Variants in PTPRG observed in about 807,000 individuals in gnomAD.
PTPRG encodes protein tyrosine phosphatase receptor type G.
A neutral mutation model predicts 165.3 loss-of-function variants in PTPRG; 102 were observed. That is an observed-to-expected ratio of 0.62 (90% CI 0.53 to 0.73). The LOEUF is 0.73. PTPRG is among the 30% of genes least tolerant of loss of function. The probability of loss-of-function intolerance (pLI) is 0.00; values close to 1 mark genes in which losing one functional copy is unlikely to be tolerated. For synonymous variants in PTPRG, 675 were observed against 669.5 expected (o/e 1.01, Z -0.13); for missense variants, 1,866 against 1,861.4 (o/e 1.00, Z -0.05).
chr3:61,914,802 C>G (rs1383728176), intron 2 of PTPRG, among the ~76,000 whole-genome samples: 1 of 152,204 alleles, frequency 6.6e-6, no homozygotes, highest in African/African-American at 2.4e-5. Context: ...AATAAATTGT[C>G]ATGAACTCTC....
rs1701146716 is a variant in PTPRG, at chr3:62,240,977, T to C, written c.2376-2830T>C. Among the ~76,000 whole-genome samples the C allele has an allele frequency of 6.6e-6, 1 of 152,184 alleles. No individual in the cohort carries two copies. Among genetic ancestry groups the C allele is most frequent in the Admixed American group, 6.5e-5 (1 of 15,274 alleles). Reference sequence around the variant, plus strand: ...GTGCCTTGTGTGTCTTGTTTATCATTGTGCTCCCAGCTCCTCACTGCAGAT... The same window carrying C: ...GTGCCTTGTGTGTCTTGTTTATCATCGTGCTCCCAGCTCCTCACTGCAGAT... On this transcript the variant is annotated intron_variant, in intron 14 of 29. Coordinates refer to ENST00000474889, the MANE Select transcript of PTPRG (RefSeq NM_002841.4). The surrounding 1 kb of genome is among the most constrained non-coding windows in gnomAD (Gnocchi z 5.1).
intron 2 of PTPRG, among the ~76,000 whole-genome samples, chr3:61,967,627 A>G (rs1399792861): frequency 6.6e-6 from 1 of 152,216 alleles, no homozygotes; most frequent in Non-Finnish European, 1.5e-5. Context: ...ATTTATAATC[A>G]TGGTGTTCTG....
chr3:62,273,710 T>C lies in PTPRG; in HGVS notation c.3331T>C (p.Phe1111Leu). The C allele has an allele frequency of 1.2e-6, 2 of 1,613,712 alleles. No individual in the cohort carries two copies. Among genetic ancestry groups the C allele is most frequent in the Non-Finnish European group, 1.7e-6 (2 of 1,179,692 alleles). ...TTGTACCTCTTAGGAGCAGTACATT[T>C]TCATCCATGATGCCTTGTTGGAAGC... ...YLVQTEEQYI[F>L]IHDALLEAIL... Residue 1111 changes from phenylalanine (F) to leucine (L), a missense_variant, in exon 23 of 30, where the codon TTC (phenylalanine) becomes CTC (leucine). Transcript: ENST00000474889. This position sits in a 1 kb window ranked among gnomAD's most constrained non-coding sequence, Gnocchi z 4.1.
At chr3:61,608,302 G>A (rs1350300789) in intron 1 of PTPRG, among the ~76,000 whole-genome samples, 2 of 152,220 alleles carry the variant, frequency 1.3e-5, no homozygotes, top group African/African-American at 4.8e-5. Context: ...CCCAGCAGTT[G>A]GGTAGAAGCC....
intron 1 of PTPRG, among the ~76,000 whole-genome samples, chr3:61,743,259 C>G (rs1232365953): frequency 1.3e-5 from 2 of 152,188 alleles, no homozygotes; most frequent in South Asian, 2.1e-4. Context: ...GTCACTCATT[C>G]AGCTCTCTGC....
At chr3:62,000,971 G>A (rs1261892784) in intron 3 of PTPRG, among the ~76,000 whole-genome samples, 1 of 151,826 alleles carries the variant, frequency 6.6e-6, no homozygotes, top group East Asian at 1.9e-4. Flanking sequence ...AGAAACTGAG[G>A]CACAGAGAAG....
chr3:61,688,617 CAG>C (rs2106643464), intron 1 of PTPRG, among the ~76,000 whole-genome samples: 1 of 152,288 alleles, frequency 6.6e-6, no homozygotes, highest in South Asian at 2.1e-4. Context: ...GCAGGCAAGT[CAG>C]AGTGAAAGAA....
intron 2 of PTPRG, among the ~76,000 whole-genome samples, chr3:61,805,722 T>C (rs2035394640): frequency 6.6e-6 from 1 of 152,116 alleles, no homozygotes; most frequent in Admixed American, 6.5e-5. Flanking sequence ...TGGTATAAAC[T>C]GCAATTAAAT....
At chr3:62,066,588 C>T (rs972824325) in intron 4 of PTPRG, among the ~76,000 whole-genome samples, 1 of 152,176 alleles carries the variant, frequency 6.6e-6, no homozygotes, top group Non-Finnish European at 1.5e-5. Context: ...GGCCCCTCCC[C>T]CTCCACTGTG....
intron 1 of PTPRG, among the ~76,000 whole-genome samples, chr3:61,603,356 TG>T (rs1480580138): frequency 1.3e-5 from 2 of 152,174 alleles, no homozygotes; most frequent in Non-Finnish European, 2.9e-5. Flanking sequence ...CTATGAGATC[TG>T]GTCATTTAAA....
chr3:61,794,196 T>TA (rs760144673), intron 2 of PTPRG, among the ~76,000 whole-genome samples: 64 of 151,772 alleles, frequency 4.2e-4, no homozygotes, highest in East Asian at 1.4e-3. Context: ...CATTTTACTT[T>TA]AAAAAAAAAT....
chr3:61,583,241 T>C (rs1700348068), intron 1 of PTPRG, among the ~76,000 whole-genome samples: 1 of 152,190 alleles, frequency 6.6e-6, no homozygotes, highest in African/African-American at 2.4e-5. Context: ...TGGGAGCCAA[T>C]GCTGGATGCA....
At chr3:62,119,451 G>A (rs1366987206) in intron 5 of PTPRG, among the ~76,000 whole-genome samples, 2 of 152,210 alleles carry the variant, frequency 1.3e-5, no homozygotes, top group African/African-American at 4.8e-5. Context: ...GCGGGCAAAG[G>A]CCTAGAGGCA....
At chr3:62,055,168 T>C (rs1700593255) in intron 4 of PTPRG, among the ~76,000 whole-genome samples, 1 of 152,220 alleles carries the variant, frequency 6.6e-6, no homozygotes, top group Non-Finnish European at 1.5e-5. Flanking sequence ...TCAGTGGAAT[T>C]GAGTCCACAC....
chr3:62,193,774 G>C (rs1699895895), intron 9 of PTPRG, among the ~76,000 whole-genome samples: 1 of 152,196 alleles, frequency 6.6e-6, no homozygotes, highest in Admixed American at 6.5e-5. Context: ...CAGTTCAGAG[G>C]TTTTCAATAG....
At chr3:61,653,784 G>A (rs1035453560) in intron 1 of PTPRG, among the ~76,000 whole-genome samples, 4 of 151,898 alleles carry the variant, frequency 2.6e-5, no homozygotes, top group East Asian at 1.9e-4. Context: ...GAATCTGCTC[G>A]CCTGTGAGAT....
intron 1 of PTPRG, chr3:61,743,138 C>A: frequency 8.6e-7 from 1 of 1,169,240 alleles, no homozygotes; most frequent in South Asian, 1.3e-5. Flanking sequence ...CGGAAAAGAG[C>A]GGGTCTGGTA....
chr3:62,011,648 G>A (rs1342942398), intron 4 of PTPRG, among the ~76,000 whole-genome samples: 1 of 152,138 alleles, frequency 6.6e-6, no homozygotes, highest in Non-Finnish European at 1.5e-5. Flanking sequence ...ATTTCCATCT[G>A]GCTGATCTTT....
At chr3:61,912,511 A>G (rs1432026869) in intron 2 of PTPRG, among the ~76,000 whole-genome samples, 1 of 152,216 alleles carries the variant, frequency 6.6e-6, no homozygotes, top group African/African-American at 2.4e-5. Context: ...AATGTTAAAA[A>G]GAGGAAAAAG....
Sources: gnomAD v4.1 joint callset for allele counts (sites outside exome capture counted in the v4.1 genomes callset) on GRCh38, gnomAD v4.1.1 for gene constraint, Gnocchi (gnomAD v3.1) non-coding constraint, MANE v1.5 for transcripts, NCBI Gene and HGNC (gene_info 2026-07-23, HGNC 2026-07-21) for gene names.